The following CHRM3 variants were observed in gnomAD, a reference collection of about 807,000 sequenced individuals.
CHRM3 encodes muscarinic acetylcholine receptor M3.
CHRM3 carries 11 observed loss-of-function variants against 41.8 expected under a neutral mutation model. That is an observed-to-expected ratio of 0.26 (90% CI 0.17 to 0.44). The LOEUF (loss-of-function observed/expected upper bound fraction) is 0.44, where lower values mean the gene tolerates loss of function less well. Among genes scored for constraint, CHRM3 ranks in the 20% least tolerant of loss-of-function variants. CHRM3 has a pLI of 1.00. For missense variants in CHRM3, 571 were observed against 745.4 expected, an observed-to-expected ratio of 0.77 and a Z score of 2.72; for synonymous variants, 297 against 301.4, an observed-to-expected ratio of 0.99 and a Z score of 0.15.
chr1:239,421,382 A>G (rs1300721268), intron 1 of CHRM3, among the ~76,000 whole-genome samples: 2 of 152,170 alleles, frequency 1.3e-5, no homozygotes, highest in African/African-American at 2.4e-5. Context: ...AGCTCTTTAT[A>G]TAGAGGCACT....
chr1:239,901,225 A>AC (rs897809473), intron 6 of CHRM3, among the ~76,000 whole-genome samples: 1 of 152,188 alleles, frequency 6.6e-6, no homozygotes, highest in African/African-American at 2.4e-5. Flanking sequence ...TTTAAAAGCA[A>AC]CAGCAGAGTG....
In CHRM3 at chr1:239,911,077, C is replaced by T. The variant is rs888736606; in HGVS notation, c.*1853C>T. On this transcript the variant is annotated 3_prime_UTR_variant, in exon 7 of 7. Transcript: ENST00000676153. ...AATGAATAGAGTATATTGGAGCTTT[C>T]CTGTGGCTAAGAAGAAGAAACATGT... The T allele has an allele frequency of 5.4e-5, 9 of 167,004 alleles. No homozygotes were observed. Among genetic ancestry groups the T allele is most frequent in the Admixed American group, 1.3e-4 (2 of 15,274 alleles). 10.3% of individuals were successfully genotyped at this position (167,004 alleles called of 1,614,324 possible). A position where few individuals can be genotyped will look rare whatever the true frequency, so the allele number is the denominator to read the frequency against.
At chr1:239,627,729 C>G (rs1359526603) in intron 3 of CHRM3, among the ~76,000 whole-genome samples, 6 of 138,560 alleles carry the variant, frequency 4.3e-5, no homozygotes, top group Admixed American at 7.2e-5. Context: ...ATTTGCTTGT[C>G]TATAAAGTAT....
At chr1:239,891,985 C>A (rs972587509) in intron 6 of CHRM3, among the ~76,000 whole-genome samples, 8 of 152,064 alleles carry the variant, frequency 5.3e-5, no homozygotes, top group African/African-American at 1.9e-4. Context: ...TTCAAGGTCA[C>A]CCTAGGGTCC....
chr1:239,650,041 C>T (rs746174078), intron 4 of CHRM3, among the ~76,000 whole-genome samples: 1 of 152,184 alleles, frequency 6.6e-6, no homozygotes, highest in East Asian at 1.9e-4. Flanking sequence ...CCCTCGGTGT[C>T]CTGGTCCTGC....
intron 4 of CHRM3, among the ~76,000 whole-genome samples, chr1:239,643,141 A>T (rs543744743): frequency 2.0e-5 from 3 of 152,180 alleles, no homozygotes; most frequent in African/African-American, 7.2e-5. Flanking sequence ...GTCTCAGAGG[A>T]GTACCTGGCA....
chr1:239,475,871 T>C (rs1450578458), intron 1 of CHRM3, among the ~76,000 whole-genome samples: 1 of 152,300 alleles, frequency 6.6e-6, no homozygotes, highest in East Asian at 1.9e-4. Flanking sequence ...AGCTTCAATA[T>C]TGAAAATAAT....
intron 6 of CHRM3, among the ~76,000 whole-genome samples, chr1:239,871,277 C>G (rs1039856062): frequency 9.2e-5 from 14 of 152,106 alleles, no homozygotes; most frequent in Non-Finnish European, 1.3e-4. Flanking sequence ...GAGTCTCGCT[C>G]TGTTGCGAGG....
intron 5 of CHRM3, among the ~76,000 whole-genome samples, chr1:239,710,841 C>T (rs1414526996): frequency 6.6e-6 from 1 of 151,980 alleles, no homozygotes; most frequent in East Asian, 1.9e-4. Flanking sequence ...TGGTACCTCT[C>T]ACCACACCGC....
chr1:239,437,852 G>A (rs950865711), intron 1 of CHRM3, among the ~76,000 whole-genome samples: 11 of 152,170 alleles, frequency 7.2e-5, no homozygotes, highest in African/African-American at 2.7e-4. Flanking sequence ...GTACTAAAAG[G>A]CCAAACTGTC....
At chr1:239,876,864 A>G (rs887531160) in intron 6 of CHRM3, among the ~76,000 whole-genome samples, 1 of 152,160 alleles carries the variant, frequency 6.6e-6, no homozygotes, top group African/African-American at 2.4e-5. Flanking sequence ...TTATTTGCTT[A>G]GCTTGGGGTT....
In CHRM3 at chr1:239,618,688, C is replaced by CA. The variant is rs1174436264; in HGVS notation, c.-312-13530dup. On this transcript the variant is annotated intron_variant, in intron 3 of 6. Coordinates refer to ENST00000676153, the MANE Select transcript of CHRM3 (RefSeq NM_001375978.1). Reference sequence around the variant, plus strand: ...TGAAACCCCGTCTCTACTAAAAATACAAAAAATTAGCTGGGCGTGGTGGCA... The same window carrying CA: ...TGAAACCCCGTCTCTACTAAAAATACAAAAAAATTAGCTGGGCGTGGTGGCA... 1.2e-3 allele frequency among the ~76,000 whole-genome samples: 184 copies of CA among 150,598 alleles called. 1 individual carries two copies. Among genetic ancestry groups the CA allele is most frequent in the Middle Eastern group, 3.4e-3 (1 of 292 alleles).
At chr1:239,392,328 C>T (rs1395780394) in intron 1 of CHRM3, among the ~76,000 whole-genome samples, 1 of 152,200 alleles carries the variant, frequency 6.6e-6, no homozygotes, top group African/African-American at 2.4e-5. Flanking sequence ...CTCCACACCT[C>T]TCCCAAGCAA....
rs1165129538 is a variant in CHRM3 at position 239,909,177 on chromosome 1, A to G, written c.1726A>G (p.Arg576Gly). 5 of 1,613,452 alleles carry G rather than the reference A, an allele frequency of 3.1e-6. No individual in the cohort carries two copies. The highest frequency in any genetic ancestry group is 4.2e-6 in the Non-Finnish European group (5 of 1,179,880). Residue 576 changes from arginine (R) to glycine (G), a missense_variant, in exon 7 of 7, where the codon AGA (arginine) becomes GGA (glycine). By Grantham distance (125) the Arg-to-Gly change is moderately radical. Transcript: ENST00000676153. ...GAGGCGCAAGCAGCAGTACCAGCAG[A>G]GACAGTCGGTCATTTTTCACAAGCG... ...KKRRKQQYQQ[R>G]QSVIFHKRAP...
intron 1 of CHRM3, among the ~76,000 whole-genome samples, chr1:239,420,527 A>T (rs1661871254): frequency 6.6e-6 from 1 of 152,160 alleles, no homozygotes; most frequent in Non-Finnish European, 1.5e-5. Context: ...GTTTTTGCAA[A>T]CTTAAGAGTG....
At chr1:239,825,265 C>G (rs1672362536) in intron 5 of CHRM3, among the ~76,000 whole-genome samples, 1 of 152,118 alleles carries the variant, frequency 6.6e-6, no homozygotes, top group Non-Finnish European at 1.5e-5. Context: ...CTATTCTAGC[C>G]TAAAGAACAC....
intron 5 of CHRM3, among the ~76,000 whole-genome samples, chr1:239,717,611 T>G (rs61834837): frequency 0.037 from 5,668 of 152,164 alleles, 165 homozygotes; most frequent in African/African-American, 0.067. Flanking sequence ...AAAGTCCTAG[T>G]GTGGCAGGAA....
rs149754806 is a variant in CHRM3 at position 239,424,202 on chromosome 1, G to A, written c.-521+36975G>A. On this transcript the variant is annotated intron_variant, in intron 1 of 6. Coordinates refer to ENST00000676153, the MANE Select transcript of CHRM3 (RefSeq NM_001375978.1). ...ACATCTGTTAGTGCTCCTAACATAC[G>A]ACACGGCAATGAGTGGTGTATCCTC... Among the ~76,000 whole-genome samples the A allele has an allele frequency of 5.4e-3, 825 of 152,088 alleles. 5 individuals carry two copies. Among genetic ancestry groups the A allele is most frequent in the African/African-American group, 0.016 (659 of 41,478 alleles).
At chr1:239,467,179 A>G (rs1665791756) in intron 1 of CHRM3, among the ~76,000 whole-genome samples, 2 of 152,318 alleles carry the variant, frequency 1.3e-5, no homozygotes, top group East Asian at 1.9e-4. Flanking sequence ...AGGGACTTCA[A>G]ACAAACCATG....
Sources: gnomAD v4.1 joint callset for allele counts (sites outside exome capture counted in the v4.1 genomes callset) on GRCh38, gnomAD v4.1.1 for gene constraint, MANE v1.5 for transcripts, NCBI Gene and HGNC (gene_info 2026-07-23, HGNC 2026-07-21) for gene names.